Variants in LARGE1 observed in about 807,000 individuals in gnomAD.
The protein encoded by LARGE1 is LARGE xylosyl- and glucuronyltransferase 1.
Under a neutral mutation model 87.6 loss-of-function variants are expected in LARGE1, and 43 were observed. The ratio of observed to expected loss-of-function variants is 0.49; its 90% CI spans 0.38 to 0.63. The LOEUF (loss-of-function observed/expected upper bound fraction) is 0.63, where lower values mean the gene tolerates loss of function less well. Among genes scored for constraint, LARGE1 ranks in the 30% least tolerant of loss-of-function variants. The probability of loss-of-function intolerance (pLI) is 0.00; values close to 1 mark genes in which losing one functional copy is unlikely to be tolerated. For synonymous variants in LARGE1, 434 were observed against 394.6 expected, an observed-to-expected ratio of 1.10 and a Z score of -1.18; for missense variants, 802 against 1,000.2, an observed-to-expected ratio of 0.80 and a Z score of 2.67.
chr22:33,387,448 A>G (rs2147167095), intron 7 of LARGE1, among the ~76,000 whole-genome samples: 1 of 145,648 alleles, frequency 6.9e-6, no homozygotes, highest in East Asian at 2.0e-4. Context: ...AAAAAAAAAG[A>G]AAGAAAGAAT....
At chr22:33,528,738 A>T (rs763231531) in intron 6 of LARGE1, among the ~76,000 whole-genome samples, 6 of 152,168 alleles carry the variant, frequency 3.9e-5, no homozygotes, top group Non-Finnish European at 7.4e-5. Flanking sequence ...GGGAGGGGGC[A>T]TAACGAGGTA....
intron 4 of LARGE1, among the ~76,000 whole-genome samples, chr22:33,610,138 A>G (rs1322486106): frequency 3.3e-5 from 5 of 152,214 alleles, no homozygotes; most frequent in African/African-American, 1.2e-4. Context: ...ACAGCCTAAC[A>G]CAGAAAAATT....
chr22:33,520,861 C>T (rs557393932), intron 6 of LARGE1, among the ~76,000 whole-genome samples: 1 of 152,186 alleles, frequency 6.6e-6, no homozygotes, highest in South Asian at 2.1e-4. Flanking sequence ...TAAGGCATAA[C>T]AAGCTTCCAG....
chr22:33,650,456 C>T lies in LARGE1; in HGVS notation c.319G>A (p.Gly107Ser), dbSNP rs2080761235. 1.9e-6 allele frequency: 3 copies of T among 1,614,158 alleles called. No homozygotes were observed. Among genetic ancestry groups the T allele is most frequent in the Non-Finnish European group, 2.5e-6 (3 of 1,180,048 alleles). ...CGAAGGTTCTCGCTGTCTCCAGTGC[C>T]CTCCTCCATGGAGTAGGTCTTGGAG... is the stretch of plus-strand genomic sequence containing the variant. ...NHSKTYSMEE[G>S]TGDSENLRAG... The change falls in exon 3 of 15, where the codon GGC becomes AGC. Residue 107 changes from glycine to serine, a missense_variant. Gly to Ser is a moderately conservative substitution (Grantham distance 56). Around this residue, in one of 2 missense-constraint regions of LARGE1, gnomAD observed 177 missense variants for 158.3 expected, o/e 1.12. Transcript: ENST00000397394.
At chr22:33,284,923 T>G (rs973895480) in intron 12 of LARGE1, among the ~76,000 whole-genome samples, 1 of 152,128 alleles carries the variant, frequency 6.6e-6, no homozygotes, top group Non-Finnish European at 1.5e-5. Flanking sequence ...CCTGGCAAGG[T>G]CACTTTATGA....
intron 2 of LARGE1, among the ~76,000 whole-genome samples, chr22:33,721,292 A>T (rs2083088815): frequency 6.6e-6 from 1 of 152,186 alleles, no homozygotes; most frequent in Non-Finnish European, 1.5e-5. Context: ...AATCAGAGCA[A>T]AACACACATT....
At chr22:33,630,630 C>T (rs1452346598) in intron 3 of LARGE1, among the ~76,000 whole-genome samples, 5 of 152,138 alleles carry the variant, frequency 3.3e-5, no homozygotes, top group African/African-American at 1.2e-4. Flanking sequence ...GGATACTCAT[C>T]ATGATTACAG....
chr22:33,784,945 A>C (rs1200824489), intron 1 of LARGE1, among the ~76,000 whole-genome samples: 1 of 151,328 alleles, frequency 6.6e-6, no homozygotes, highest in Non-Finnish European at 1.5e-5. Flanking sequence ...ATACACGTGT[A>C]TACATGTGTA....
intron 6 of LARGE1, among the ~76,000 whole-genome samples, chr22:33,466,619 A>C (rs1332658962): frequency 1.3e-5 from 2 of 151,672 alleles, no homozygotes; most frequent in Non-Finnish European, 2.9e-5. Context: ...CCACTATCCC[A>C]AGGAAAGAAC....
At position 33,626,309 on chromosome 22, in the gene LARGE1, A is replaced by G. The variant is rs745996591; in HGVS notation, c.426T>C (p.Ile142=). The stretch of plus-strand genomic sequence containing the variant: ...GGCTGGCATTGTATCCGGCGCAGAC[A>G]ATAGCAACGTGGATTGTCTGGGAAG... The part of the protein sequence containing the change: ...VEKCETIHVA[I]VCAGYNASRD... Residue 142 remains isoleucine, a synonymous_variant, in exon 4 of 15, where the codon ATT becomes ATC. Transcript: ENST00000397394. 2.5e-6 allele frequency: 4 copies of G among 1,614,062 alleles called. No individual in the cohort carries two copies. The Admixed American group carries it at 5.0e-5, about 20-fold the overall frequency.
intron 6 of LARGE1, among the ~76,000 whole-genome samples, chr22:33,553,067 C>A (rs1259802851): frequency 6.6e-6 from 1 of 152,132 alleles, no homozygotes; most frequent in Non-Finnish European, 1.5e-5. Context: ...ATAACCATTT[C>A]TCAGGCTTCT....
chr22:33,621,691 G>A (rs549884495), intron 4 of LARGE1, among the ~76,000 whole-genome samples: 15 of 152,268 alleles, frequency 9.9e-5, no homozygotes, highest in East Asian at 1.9e-4. Context: ...TTTCTGAGCC[G>A]AAAGTCTTTC....
intron 1 of LARGE1, among the ~76,000 whole-genome samples, chr22:33,798,879 T>C (rs2086070279): frequency 6.6e-6 from 1 of 152,164 alleles, no homozygotes; most frequent in African/African-American, 2.4e-5. Flanking sequence ...CACGAGCACA[T>C]ACATCCTACA....
chr22:33,373,826 T>C (rs892455661), intron 9 of LARGE1, among the ~76,000 whole-genome samples: 2 of 151,792 alleles, frequency 1.3e-5, no homozygotes, highest in African/African-American at 4.8e-5. Flanking sequence ...TACAACAAAT[T>C]AGCCACGTGT....
Position 33,609,085 on chromosome 22 carries a change from G to A in LARGE1, c.492-4527C>T, listed in dbSNP as rs148642898. ...GTTCTTCCAAGCACAGACAAAAAAC[G>A]GGCTGAATGAATATCTAACAAAGAG... On this transcript the variant is annotated intron_variant, in intron 4 of 14. Coordinates refer to ENST00000397394, the MANE Select transcript of LARGE1 (RefSeq NM_133642.5). Among the ~76,000 whole-genome samples, 339 of 152,192 alleles carry A rather than the reference G, an allele frequency of 2.2e-3. 1 individual carries two copies. The highest frequency in any genetic ancestry group is 2.7e-3 in the Non-Finnish European group (181 of 68,024).
chr22:33,557,748 G>A (rs1419550361), intron 6 of LARGE1, among the ~76,000 whole-genome samples: 4 of 152,162 alleles, frequency 2.6e-5, no homozygotes, highest in African/African-American at 9.6e-5. Flanking sequence ...TATATTTTTA[G>A]TAGAGATGGG....
chr22:33,585,778 A>T (rs2078654280), intron 5 of LARGE1, among the ~76,000 whole-genome samples: 1 of 152,234 alleles, frequency 6.6e-6, no homozygotes, highest in East Asian at 1.9e-4. Context: ...TGCAGGGAGG[A>T]ATCACTGTAG....
chr22:33,558,784 T>C (rs1008957795), intron 6 of LARGE1, among the ~76,000 whole-genome samples: 5 of 152,212 alleles, frequency 3.3e-5, no homozygotes, highest in African/African-American at 1.2e-4. Flanking sequence ...AAAGTAATAC[T>C]TCAATGTTCT....
intron 6 of LARGE1, among the ~76,000 whole-genome samples, chr22:33,552,333 C>G (rs541403983): frequency 1.3e-5 from 2 of 152,298 alleles, no homozygotes; most frequent in East Asian, 3.9e-4. Context: ...TTGACCTCCC[C>G]TCTCTCCTTG....
Sources: allele counts gnomAD v4.1 joint callset (sites outside exome capture counted in the v4.1 genomes callset), GRCh38; gene constraint gnomAD v4.1.1; regional missense constraint gnomAD v4.1.1; transcripts MANE v1.5; gene names NCBI Gene and HGNC (gene_info 2026-07-23, HGNC 2026-07-21).